Variants in STK38 observed in about 807,000 individuals in gnomAD.
STK38 encodes the protein serine/threonine kinase 38, also known as serine/threonine-protein kinase 38.
In STK38, 26 loss-of-function variants were observed where a neutral mutation model predicts 59.0. The observed-to-expected ratio is 0.44, with a 90% CI of 0.32 to 0.61. STK38 has a LOEUF of 0.61. Among genes scored for constraint, STK38 ranks in the 20% least tolerant of loss-of-function variants. The pLI is 0.04. For synonymous variants in STK38, 175 were observed against 176.6 expected (o/e 0.99, Z 0.07); for missense variants, 433 against 566.0 (o/e 0.76, Z 2.38).
chr6:36,536,231 A>G (rs1470185781), intron 2 of STK38, among the ~76,000 whole-genome samples: 8 of 152,324 alleles, frequency 5.3e-5, no homozygotes. Context: ...ACTGATATCC[A>G]AAAGGATAAA....
At chr6:36,542,433 A>G (rs1309643514) in intron 1 of STK38, among the ~76,000 whole-genome samples, 1 of 152,220 alleles carries the variant, frequency 6.6e-6, no homozygotes, top group East Asian at 1.9e-4. Context: ...TTACACAAGA[A>G]AAAAACACCA....
intron 7 of STK38, among the ~76,000 whole-genome samples, chr6:36,514,704 G>A (rs1466002715): frequency 6.6e-6 from 1 of 152,000 alleles, no homozygotes; most frequent in African/African-American, 2.4e-5. Flanking sequence ...GGCTGGGCAG[G>A]GGCGTGGTGG....
At chr6:36,521,368 G>T (rs1777371392) in intron 5 of STK38, among the ~76,000 whole-genome samples, 1 of 151,724 alleles carries the variant, frequency 6.6e-6, no homozygotes, top group African/African-American at 2.4e-5. Flanking sequence ...TTAGTTATGA[G>T]ATATATATAC....
At chr6:36,530,595 C>G (rs1287153795) in intron 2 of STK38, among the ~76,000 whole-genome samples, 1 of 151,930 alleles carries the variant, frequency 6.6e-6, no homozygotes, top group Non-Finnish European at 1.5e-5. Flanking sequence ...GAACTCCTGA[C>G]CTCAAGTGAT....
intron 5 of STK38, 130 bp downstream of exon 5, chr6:36,521,604 T>G: frequency 2.0e-6 from 1 of 509,138 alleles, no homozygotes; most frequent in Non-Finnish European, 3.2e-6. Flanking sequence ...AAGGTAGTAT[T>G]ATATATATAG....
In STK38 at chr6:36,525,605, G is replaced by T; in HGVS notation, c.169C>A (p.Leu57Ile). The part of the protein sequence containing the change: ...KLEKVMEEEG[L>I]KDEEKRLRRS... ...ATATTAATTACCTCCTCATCTTTTA[G>T]GCCTTCTTCTTCCATCACCTTTTCT... Residue 57 changes from leucine (L) to isoleucine (I), a missense_variant, in exon 3 of 14, where the codon CTA (leucine) becomes ATA (isoleucine). This residue lies in a region of STK38 where 293 missense variants were observed against 388.2 expected (regional missense o/e 0.75). Coordinates refer to ENST00000229812, the MANE Select transcript of STK38 (RefSeq NM_007271.4). The T allele has an allele frequency of 6.2e-7, 1 of 1,613,650 alleles. No homozygotes were observed. Among genetic ancestry groups the T allele is most frequent in the Non-Finnish European group, 8.5e-7 (1 of 1,179,766 alleles).
Position 36,515,500 on chromosome 6 carries a change from CAAG to C in STK38, c.515-11_515-9del, listed in dbSNP as rs200763768. 1.1e-4 allele frequency: 177 copies of C among 1,601,578 alleles called. 1 individual carries two copies. In the East Asian group the frequency reaches 3.8e-3, roughly 35 times the overall value. Reference sequence around the variant, plus strand: ...ACAAGGTCATCATGTCCCCTGGAAACAAGAAGATACAAAGCCACCACACACACA... The same window carrying C: ...ACAAGGTCATCATGTCCCCTGGAAACAAGATACAAAGCCACCACACACACA... On this transcript the variant is annotated splice_polypyrimidine_tract_variant and intron_variant, in intron 6 of 13. Coordinates refer to ENST00000229812, the MANE Select transcript of STK38 (RefSeq NM_007271.4).
In STK38 at chr6:36,499,994, A is replaced by G; in HGVS notation, c.835-4T>C. The G allele has an allele frequency of 6.2e-7, 1 of 1,611,352 alleles. No homozygotes were observed. The highest frequency in any genetic ancestry group is 1.1e-5 in the South Asian group (1 of 91,032). On this transcript the variant is annotated splice_polypyrimidine_tract_variant and splice_region_variant and intron_variant, in intron 9 of 13. Transcript: ENST00000229812. ...GAGTGCCTACTGTGGAGAAGGCCTG[A>G]AACATGGACCACACATCAGCGAGGC...
intron 1 of STK38, among the ~76,000 whole-genome samples, chr6:36,543,287 G>A (rs368597475): frequency 7.2e-5 from 11 of 151,902 alleles, no homozygotes; most frequent in East Asian, 2.0e-4. Context: ...GGATGGTCTC[G>A]ATCTCCTGAC....
At chr6:36,501,454 T>C (rs1263679171) in intron 9 of STK38, among the ~76,000 whole-genome samples, 2 of 152,088 alleles carry the variant, frequency 1.3e-5, no homozygotes, top group Admixed American at 6.5e-5. Context: ...TTATGAAATA[T>C]TACAAACATA....
chr6:36,528,430 T>C (rs1166196291), intron 2 of STK38, among the ~76,000 whole-genome samples: 1 of 152,152 alleles, frequency 6.6e-6, no homozygotes, highest in Non-Finnish European at 1.5e-5. Flanking sequence ...AATAGAGCTA[T>C]TGCAAATATG....
intron 4 of STK38, among the ~76,000 whole-genome samples, chr6:36,523,947 T>G (rs893700977): frequency 1.3e-5 from 2 of 152,200 alleles, no homozygotes; most frequent in Non-Finnish European, 2.9e-5. Context: ...CAACTTTTGG[T>G]CCCAGTACTC....
At chr6:36,503,223 A>G (rs1196613127) in intron 9 of STK38, among the ~76,000 whole-genome samples, 1 of 152,222 alleles carries the variant, frequency 6.6e-6, no homozygotes, top group African/African-American at 2.4e-5. Flanking sequence ...TTTGATATAT[A>G]GAAGGTTTTT....
At chr6:36,523,266 T>G (rs1055450792) in intron 4 of STK38, among the ~76,000 whole-genome samples, 2 of 117,734 alleles carry the variant, frequency 1.7e-5, no homozygotes, top group Non-Finnish European at 3.6e-5. Flanking sequence ...AGGTTTTTTG[T>G]TTTTTTTTTT....
At chr6:36,547,158 T>C (rs1037464462) in intron 1 of STK38, 32 bp downstream of exon 1, 1 of 152,708 alleles carries the variant, frequency 6.5e-6, no homozygotes, top group East Asian at 1.9e-4. Flanking sequence ...AACCCCGGGA[T>C]GGAGTGAAGA....
intron 7 of STK38, among the ~76,000 whole-genome samples, chr6:36,513,613 G>A (rs1777168238): frequency 6.6e-6 from 1 of 151,750 alleles, no homozygotes; most frequent in Non-Finnish European, 1.5e-5. Context: ...ACCATGCCCG[G>A]CCCCGGCCTT....
chr6:36,504,915 A>G (rs1011546903), intron 9 of STK38, among the ~76,000 whole-genome samples: 5 of 150,662 alleles, frequency 3.3e-5, no homozygotes, highest in African/African-American at 7.3e-5. Context: ...AAAAAAAAAA[A>G]AAAAAAAGAA....
At chr6:36,516,147 G>T (rs757280738) in intron 6 of STK38, among the ~76,000 whole-genome samples, 5 of 152,146 alleles carry the variant, frequency 3.3e-5, no homozygotes, top group African/African-American at 1.2e-4. Flanking sequence ...TCTCTAGTGC[G>T]TTATTATAGG....
chr6:36,499,766 A>AAGT, intron 10 of STK38, 107 bp downstream of exon 10: 1 of 904,558 alleles, frequency 1.1e-6, no homozygotes, highest in Non-Finnish European at 1.8e-6. Flanking sequence ...TTTGAAAGAC[A>AAGT]AGTAGGGAAA....
Sources: gnomAD v4.1 joint callset for allele counts (sites outside exome capture counted in the v4.1 genomes callset) on GRCh38, gnomAD v4.1.1 for gene constraint, gnomAD v4.1.1 regional missense constraint, MANE v1.5 for transcripts, NCBI Gene and HGNC (gene_info 2026-07-23, HGNC 2026-07-21) for gene names.